Variants in CRX observed in about 807,000 individuals in gnomAD.
The protein encoded by CRX is cone-rod homeobox protein.
A neutral mutation model predicts 13.1 loss-of-function variants in CRX; 5 were observed. That is an observed-to-expected ratio of 0.38 (90% CI 0.20 to 0.80). The LOEUF (loss-of-function observed/expected upper bound fraction) is 0.80. Ranked by LOEUF, CRX falls within the 30% of genes least tolerant of loss-of-function variation. CRX has a pLI of 0.43. For missense variants in CRX, 351 were observed against 391.8 expected (o/e 0.90, Z 0.88); for synonymous variants, 179 against 171.1 (o/e 1.05, Z -0.36).
intron 1 of CRX, among the ~76,000 whole-genome samples, chr19:47,823,649 GTTT>G (rs58548004): frequency 3.1e-5 from 4 of 129,564 alleles, no homozygotes; most frequent in Admixed American, 2.3e-4. Context: ...CATGAGTCTG[GTTT>G]TTTTTTTTTT....
At chr19:47,830,966 A>G (rs1968036565) in intron 1 of CRX, among the ~76,000 whole-genome samples, 3 of 152,056 alleles carry the variant, frequency 2.0e-5, no homozygotes, top group Admixed American at 2.0e-4. Context: ...TTTGCAACCA[A>G]ACTTCCTGGG....
intron 1 of CRX, among the ~76,000 whole-genome samples, chr19:47,825,893 G>C (rs954291384): frequency 1.3e-5 from 2 of 151,526 alleles, no homozygotes; most frequent in South Asian, 2.1e-4. Flanking sequence ...CTGCACTCCA[G>C]CATGGGTGAC....
chr19:47,828,138 G>A (rs1006678542), intron 1 of CRX, among the ~76,000 whole-genome samples: 1 of 151,706 alleles, frequency 6.6e-6, no homozygotes, highest in Non-Finnish European at 1.5e-5. Context: ...TGGGGGACAA[G>A]AGTGAGACTT....
In CRX at chr19:47,834,461, C is replaced by T; in HGVS notation, c.18C>T (p.Asn6=). The change falls in exon 2 of 4, where the codon AAC becomes AAT. Residue 6 remains asparagine (N), a synonymous_variant. Transcript: ENST00000221996. Reference sequence around the variant, plus strand: ...CGAAGATCATGATGGCGTATATGAACCCGGGGCCCCACTATTCTGTCAACG... The same window carrying T: ...CGAAGATCATGATGGCGTATATGAATCCGGGGCCCCACTATTCTGTCAACG... The part of the protein sequence containing the change: MMAYM[N]PGPHYSVNAL... 6.2e-7 allele frequency: 1 copy of T among 1,614,152 alleles called. No homozygotes were observed. Among genetic ancestry groups the T allele is most frequent in the African/African-American group, 1.3e-5 (1 of 75,038 alleles).
intron 1 of CRX, among the ~76,000 whole-genome samples, 164 bp downstream of exon 1, chr19:47,822,174 C>T (rs561679741): frequency 7.9e-5 from 12 of 152,112 alleles, no homozygotes; most frequent in East Asian, 1.9e-4. Flanking sequence ...TTTGTGGAAA[C>T]GGGGCTAGGC....
At chr19:47,827,836 TAAAAAAA>T (rs1156465404) in intron 1 of CRX, among the ~76,000 whole-genome samples, 71 of 41,736 alleles carry the variant, frequency 1.7e-3, no homozygotes, top group Middle Eastern at 0.026. Flanking sequence ...GCATCTTTAT[TAAAAAAA>T]AAAAAAAAAA....
At chr19:47,832,514 C>T (rs1012413672) in intron 1 of CRX, among the ~76,000 whole-genome samples, 5 of 151,426 alleles carry the variant, frequency 3.3e-5, no homozygotes, top group East Asian at 1.9e-4. Context: ...TTTTTTGAGA[C>T]GGAGTCCGTA....
In CRX at chr19:47,839,964, G is replaced by C. The variant is rs527236063; in HGVS notation, c.897G>C (p.Leu299Phe). 5.0e-6 allele frequency: 8 copies of C among 1,613,296 alleles called. No individual in the cohort carries two copies. The East Asian group carries it at 1.8e-4, about 36-fold the overall frequency. Residue 299 changes from leucine to phenylalanine, a missense_variant, in exon 4 of 4, where the codon TTG becomes TTC. By Grantham distance (22) the Leu-to-Phe change is conservative. Coordinates refer to ENST00000221996, the MANE Select transcript of CRX (RefSeq NM_000554.6). The surrounding 1 kb of genome is among the most constrained non-coding windows in gnomAD (Gnocchi z 4.6). ...AGAGTGCCTGGAAGTTTCAGATCTT[G>C]TAGAGGACGCAGTCTCCATCTCTCT... ...KDQSAWKFQI[L>F] is the part of the protein sequence containing the mutation.
At chr19:47,835,823 A>G (rs1968111229) in intron 2 of CRX, among the ~76,000 whole-genome samples, 1 of 150,714 alleles carries the variant, frequency 6.6e-6, no homozygotes, top group Admixed American at 6.6e-5. Flanking sequence ...GGGGTTCCCC[A>G]TGTTGGCCAG....
At chr19:47,837,417 T>C (rs540223951) in intron 3 of CRX, among the ~76,000 whole-genome samples, 6 of 152,316 alleles carry the variant, frequency 3.9e-5, no homozygotes, top group African/African-American at 1.4e-4. Flanking sequence ...TCCTACTGCC[T>C]CGGCCTTCCA....
intron 1 of CRX, among the ~76,000 whole-genome samples, chr19:47,824,571 G>A (rs548326923): frequency 1.3e-4 from 19 of 151,850 alleles, no homozygotes; most frequent in African/African-American, 4.1e-4. Flanking sequence ...AGAAGCTGGG[G>A]CCCCCTGGAG....
intron 1 of CRX, among the ~76,000 whole-genome samples, chr19:47,825,042 A>G (rs12984709): frequency 0.64 from 91,515 of 142,588 alleles, 30,275 homozygotes; most frequent in Non-Finnish European, 0.7. Flanking sequence ...CCAGGTTGGA[A>G]TGCAGTGGTG....
At chr19:47,830,312 A>G (rs954604272) in intron 1 of CRX, among the ~76,000 whole-genome samples, 2 of 151,858 alleles carry the variant, frequency 1.3e-5, no homozygotes, top group Non-Finnish European at 2.9e-5. Context: ...TTGTCTCTTA[A>G]AAAACCCCAA....
chr19:47,830,270 C>T (rs761005082), intron 1 of CRX, among the ~76,000 whole-genome samples: 1 of 151,884 alleles, frequency 6.6e-6, no homozygotes, highest in Non-Finnish European at 1.5e-5. Context: ...GGCAACGCCG[C>T]TGCACTCCGG....
Position 47,839,087 on chromosome 19 carries a change from G to C in CRX, c.253-233G>C, listed in dbSNP as rs1968156854. 6.6e-6 allele frequency among the ~76,000 whole-genome samples: 1 copy of C among 152,076 alleles called. No individual in the cohort carries two copies. The highest frequency in any genetic ancestry group is 6.5e-5 in the Admixed American group (1 of 15,268). On this transcript the variant is annotated intron_variant, in intron 3 of 3. Transcript: ENST00000221996. This position sits in a 1 kb window ranked among gnomAD's most constrained non-coding sequence, Gnocchi z 4.6. ...TACGTGTGCATGTTTGCATTAGACG[G>C]ATGGGATGAATGCACATGGGTATGA... is the stretch of plus-strand genomic sequence containing the variant.
At chr19:47,826,056 C>G (rs1967971698) in intron 1 of CRX, among the ~76,000 whole-genome samples, 1 of 152,202 alleles carries the variant, frequency 6.6e-6, no homozygotes. Flanking sequence ...AAAGTGTGTG[C>G]TTTTGTTCCA....
At chr19:47,835,374 T>C (rs1326310458) in intron 2 of CRX, among the ~76,000 whole-genome samples, 1 of 151,080 alleles carries the variant, frequency 6.6e-6, no homozygotes, top group Non-Finnish European at 1.5e-5. Context: ...GCCTTATTTC[T>C]TTTTCTTTTT....
chr19:47,823,700 A>T (rs145042799), intron 1 of CRX, among the ~76,000 whole-genome samples: 5 of 136,706 alleles, frequency 3.7e-5, no homozygotes, highest in African/African-American at 1.5e-4. Context: ...CCCAGGCTGG[A>T]GTGCAGTGGC....
chr19:47,839,289 A>C lies in CRX; in HGVS notation c.253-31A>C, dbSNP rs747950609. ...GCTCTCCTGGGCCTCTTCCCCACTT[A>C]CCCACCCCCATCTCCGCTCTTATCC... On this transcript the variant is annotated intron_variant, in intron 3 of 3. Transcript: ENST00000221996. This position sits in a 1 kb window ranked among gnomAD's most constrained non-coding sequence, Gnocchi z 4.6. 1.1e-5 allele frequency: 18 copies of C among 1,603,888 alleles called. No homozygotes were observed. The South Asian group carries it at 1.9e-4, about 17-fold the overall frequency.
Sources: allele counts gnomAD v4.1 joint callset (sites outside exome capture counted in the v4.1 genomes callset), GRCh38; gene constraint gnomAD v4.1.1; non-coding constraint Gnocchi (gnomAD v3.1); transcripts MANE v1.5; gene names NCBI Gene and HGNC (gene_info 2026-07-23, HGNC 2026-07-21).